The following YAP1 variants were observed in gnomAD, a reference collection of about 807,000 sequenced individuals.
The protein encoded by YAP1 is Yes1 associated transcriptional regulator.
YAP1 carries 5 observed loss-of-function variants against 56.9 expected under a neutral mutation model. The ratio of observed to expected loss-of-function variants is 0.09; its 90% CI spans 0.05 to 0.18. YAP1 has a LOEUF of 0.18. Among genes scored for constraint, YAP1 ranks in the 10% least tolerant of loss-of-function variants. The pLI, the probability that YAP1 is intolerant of heterozygous loss-of-function variation, is 1.00. For missense variants in YAP1, 539 were observed against 651.8 expected, an observed-to-expected ratio of 0.83 and a Z score of 1.88; for synonymous variants, 265 against 248.1, an observed-to-expected ratio of 1.07 and a Z score of -0.64.
intron 4 of YAP1, among the ~76,000 whole-genome samples, chr11:102,204,900 A>G (rs1006906383): frequency 6.6e-6 from 1 of 152,188 alleles, no homozygotes; most frequent in African/African-American, 2.4e-5. Context: ...CTGCAAAGCC[A>G]TTGGGACCTG....
chr11:102,205,782 GC>G, intron 4 of YAP1, 110 bp from the exon 5 acceptor site: 1 of 1,081,936 alleles, frequency 9.2e-7, no homozygotes, highest in Non-Finnish European at 1.2e-6. Flanking sequence ...CAGTCTTCCT[GC>G]CCAAAAAAGT....
intron 2 of YAP1, among the ~76,000 whole-genome samples, chr11:102,115,580 C>CTT (rs1389747870): frequency 6.7e-6 from 1 of 148,934 alleles, no homozygotes; most frequent in Non-Finnish European, 1.5e-5. Context: ...TTTCCTGCAA[C>CTT]TTTTTCTTTT....
chr11:102,213,076 A>G (rs761365819), intron 6 of YAP1, among the ~76,000 whole-genome samples: 1 of 152,212 alleles, frequency 6.6e-6, no homozygotes, highest in Non-Finnish European at 1.5e-5. Flanking sequence ...CTTTTGAGCA[A>G]GTGGGTTTAG....
chr11:102,128,297 G>A (rs1186898350), intron 2 of YAP1, among the ~76,000 whole-genome samples: 1 of 152,108 alleles, frequency 6.6e-6, no homozygotes, highest in Non-Finnish European at 1.5e-5. Flanking sequence ...GACTCGGCGG[G>A]GGGTAATTGA....
chr11:102,206,113 G>A, intron 5 of YAP1, 39 bp downstream of exon 5: 1 of 1,576,186 alleles, frequency 6.3e-7, no homozygotes, highest in Non-Finnish European at 8.6e-7. Flanking sequence ...CCACTTTTGG[G>A]GGTTTGTTTT....
At chr11:102,136,808 A>G (rs1398271496) in intron 2 of YAP1, among the ~76,000 whole-genome samples, 1 of 152,098 alleles carries the variant, frequency 6.6e-6, no homozygotes, top group Non-Finnish European at 1.5e-5. Flanking sequence ...TAGTGATTGC[A>G]CTTCTGTCCG....
Position 102,206,042 on chromosome 11 carries a change from C to A in YAP1, c.952C>A (p.Leu318Met). ...LQQLQMEKERLRLKQQELLRQ... is the reference protein window; with the variant it reads ...LQQLQMEKERMRLKQQELLRQ... ...GCAACTGCAGATGGAGAAGGAGAGG[C>A]TGCGGCTGAAACAGCAAGAACTGCT... The change falls in exon 5 of 9, where the codon CTG (leucine) becomes ATG (methionine). Residue 318 changes from leucine (L) to methionine (M), a missense_variant. This residue lies in a region of YAP1 where 414 missense variants were observed against 512.4 expected (regional missense o/e 0.81). Coordinates refer to ENST00000282441, the MANE Select transcript of YAP1 (RefSeq NM_001130145.3). 6.2e-7 allele frequency: 1 copy of A among 1,613,976 alleles called. No individual in the cohort carries two copies. Among genetic ancestry groups the A allele is most frequent in the Non-Finnish European group, 8.5e-7 (1 of 1,179,926 alleles).
intron 3 of YAP1, among the ~76,000 whole-genome samples, chr11:102,181,527 C>T (rs1269269018): frequency 7.9e-5 from 12 of 152,158 alleles, no homozygotes; most frequent in African/African-American, 2.9e-4. Context: ...GCCACCTACT[C>T]CTTATTTCTA....
At chr11:102,124,040 C>T (rs1016979661) in intron 2 of YAP1, among the ~76,000 whole-genome samples, 2 of 150,672 alleles carry the variant, frequency 1.3e-5, no homozygotes, top group Non-Finnish European at 3.0e-5. Context: ...CAATCTCTGG[C>T]TCCCGGGTTC....
Position 102,110,788 on chromosome 11 carries a change from C to A in YAP1, c.-61C>A. The A allele has an allele frequency of 7.9e-7, 1 of 1,267,504 alleles. No individual in the cohort carries two copies. Among genetic ancestry groups the A allele is most frequent in the Non-Finnish European group, 9.9e-7 (1 of 1,007,590 alleles). The allele number at this position is 1,267,504 out of a possible 1,614,324, so 78.5% of individuals were successfully genotyped here. A position where few individuals can be genotyped will look rare whatever the true frequency, so the allele number is the denominator to read the frequency against. On this transcript the variant is annotated 5_prime_UTR_variant, in exon 1 of 9. Coordinates refer to ENST00000282441, the MANE Select transcript of YAP1 (RefSeq NM_001130145.3). ...TCCACCTCGGCCCGTGGAGCCGGGGCGTCCGGGCGTAGCCCTCGCTCGCCT... is the reference window on the plus strand; with the variant it reads ...TCCACCTCGGCCCGTGGAGCCGGGGAGTCCGGGCGTAGCCCTCGCTCGCCT...
chr11:102,162,629 T>C, intron 3 of YAP1, 58 bp downstream of exon 3: 1 of 1,530,854 alleles, frequency 6.5e-7, no homozygotes, highest in Non-Finnish European at 9.0e-7. Flanking sequence ...TGGTAAAAGT[T>C]GATGTGGAAA....
At chr11:102,180,213 C>G (rs1438600186) in intron 3 of YAP1, among the ~76,000 whole-genome samples, 1 of 151,754 alleles carries the variant, frequency 6.6e-6, no homozygotes, top group African/African-American at 2.4e-5. Flanking sequence ...TTCACCATGT[C>G]ACCATGTTGG....
In YAP1 at chr11:102,111,511, G is replaced by A. The variant is rs573456829; in HGVS notation, c.321+342G>A. ...GGAGGAGGGGTGGGGAGGAAGGAAG[G>A]GGGTGGGGAAAAGTCGGGCCTGGGC... On this transcript the variant is annotated intron_variant, in intron 1 of 8. Transcript: ENST00000282441. Among the ~76,000 whole-genome samples the A allele has an allele frequency of 1.1e-4, 9 of 79,664 alleles. 1 individual carries two copies. Among genetic ancestry groups the A allele is most frequent in the Non-Finnish European group, 2.4e-4 (9 of 37,194 alleles). The allele number at this position is 79,664 out of a possible 152,430, so 52.3% of individuals were successfully genotyped here.
intron 3 of YAP1, among the ~76,000 whole-genome samples, chr11:102,181,298 T>A (rs868658363): frequency 6.6e-6 from 1 of 151,724 alleles, no homozygotes; most frequent in African/African-American, 2.4e-5. Flanking sequence ...ACAAAAAAAT[T>A]AGCCGAGCGT....
intron 2 of YAP1, among the ~76,000 whole-genome samples, chr11:102,159,479 A>G (rs979544323): frequency 7.2e-5 from 11 of 152,196 alleles, no homozygotes; most frequent in Admixed American, 4.6e-4. Flanking sequence ...CCAAACTCCT[A>G]TTAAAGCTCT....
intron 4 of YAP1, among the ~76,000 whole-genome samples, chr11:102,202,334 ATTTTTT>A (rs34528413): frequency 1.1e-4 from 15 of 130,990 alleles, no homozygotes; most frequent in African/African-American, 4.4e-4. Context: ...CACCTGGCTA[ATTTTTT>A]TTTTTTTTTT....
chr11:102,223,838 G>GCCCACACAGATGTTCCA, intron 7 of YAP1, 86 bp downstream of exon 7: 1 of 1,540,016 alleles, frequency 6.5e-7, no homozygotes, highest in Non-Finnish European at 8.8e-7. Context: ...AGGCTATTTG[G>GCCCACACAGATGTTCCA]AACATCTGTG....
At chr11:102,217,445 A>G (rs1264123629) in intron 6 of YAP1, among the ~76,000 whole-genome samples, 3 of 152,222 alleles carry the variant, frequency 2.0e-5, no homozygotes, top group Non-Finnish European at 2.9e-5. Context: ...CTATCAACAG[A>G]TGAATAAACA....
chr11:102,179,121 T>C (rs1947437178), intron 3 of YAP1, among the ~76,000 whole-genome samples: 1 of 148,632 alleles, frequency 6.7e-6, no homozygotes, highest in African/African-American at 2.5e-5. Flanking sequence ...CTATGAAATT[T>C]GGAGGGGACA....
Sources: allele counts gnomAD v4.1 joint callset (sites outside exome capture counted in the v4.1 genomes callset), GRCh38; gene constraint gnomAD v4.1.1; regional missense constraint gnomAD v4.1.1; transcripts MANE v1.5; gene names NCBI Gene and HGNC (gene_info 2026-07-23, HGNC 2026-07-21).